GPR83: variants seen among roughly 807,000 people sequenced by gnomAD.
GPR83 encodes the protein G-protein coupled receptor 72.
GPR83 carries 23 observed loss-of-function variants against 28.0 expected under a neutral mutation model. The ratio of observed to expected loss-of-function variants is 0.82; its 90% confidence interval spans 0.59 to 1.16. The LOEUF (loss-of-function observed/expected upper bound fraction) is 1.16, where lower values mean the gene tolerates loss of function less well. Ranked by LOEUF, GPR83 falls within the 50% of genes most tolerant of loss-of-function variation. GPR83 has a pLI of 0.00. For missense variants in GPR83, 610 were observed against 536.6 expected (o/e 1.14, Z -1.35); for synonymous variants, 234 against 215.4 (o/e 1.09, Z -0.76).
At chr11:94,384,788 A>G (rs915507377) in intron 3 of GPR83, among the ~76,000 whole-genome samples, 1 of 152,222 alleles carries the variant, frequency 6.6e-6, no homozygotes, top group African/African-American at 2.4e-5. Context: ...GAATAGCCAA[A>G]CAAAAGGCAG....
intron 3 of GPR83, among the ~76,000 whole-genome samples, chr11:94,387,572 A>G (rs1944773149): frequency 6.6e-6 from 1 of 152,342 alleles, no homozygotes; most frequent in East Asian, 1.9e-4. Flanking sequence ...AAACTAGAAA[A>G]TCTGGAAGAA....
rs763041836 is a variant in GPR83, at chr11:94,393,493, GA to G, written c.638del (p.Phe213SerfsTer59). On this transcript the variant is annotated frameshift_variant, in exon 3 of 4. Transcript: ENST00000243673. LOFTEE classifies it high-confidence loss of function. ...CAACGAATTCATCTCACCTGTATTTGAAGGTAAATAATTTCTGGCAGATAGC... is the reference window on the plus strand; with the variant it reads ...CAACGAATTCATCTCACCTGTATTTGAGGTAAATAATTTCTGGCAGATAGC... The part of the protein sequence containing the change: ...PHAICQKLFT[F>X]KYSEDIVRSL... The G allele has an allele frequency of 6.8e-6, 11 of 1,614,064 alleles. No homozygotes were observed. In the East Asian group the frequency reaches 2.5e-4, roughly 36 times the overall value.
intron 3 of GPR83, among the ~76,000 whole-genome samples, chr11:94,387,092 A>T (rs533905338): frequency 3.3e-4 from 50 of 152,352 alleles, no homozygotes; most frequent in African/African-American, 1.1e-3. Flanking sequence ...GTACATAATG[A>T]AATGAAGGCA....
intron 3 of GPR83, among the ~76,000 whole-genome samples, chr11:94,382,227 C>T (rs951695331): frequency 2.0e-5 from 3 of 151,314 alleles, no homozygotes; most frequent in Admixed American, 6.6e-5. Context: ...TGGCACATGC[C>T]TATAATCCCA....
rs1217735991 is a variant in GPR83, at chr11:94,379,960, G to C, written c.*189C>G. 1 of 433,756 alleles carries C rather than the reference G, an allele frequency of 2.3e-6. No individual in the cohort carries two copies. The highest frequency in any genetic ancestry group is 3.8e-5 in the Admixed American group (1 of 26,066). The allele number at this position is 433,756 out of a possible 1,614,324, so 26.9% of individuals were successfully genotyped here. On this transcript the variant is annotated 3_prime_UTR_variant, in exon 4 of 4. Coordinates refer to ENST00000243673, the MANE Select transcript of GPR83 (RefSeq NM_016540.4). ...ATGGGAATTTATGAACACATGTCTA[G>C]TTGGTGGTGCCTTTTAGTTTTCACA...
At chr11:94,383,699 TA>T (rs1321618205) in intron 3 of GPR83, among the ~76,000 whole-genome samples, 33 of 152,176 alleles carry the variant, frequency 2.2e-4, no homozygotes, top group African/African-American at 7.7e-4. Flanking sequence ...CAGAATACTA[TA>T]AACACCTTTA....
chr11:94,386,139 A>G (rs977229349), intron 3 of GPR83, among the ~76,000 whole-genome samples: 2 of 152,208 alleles, frequency 1.3e-5, no homozygotes, highest in Non-Finnish European at 2.9e-5. Flanking sequence ...GTTACAGATA[A>G]GCAAATGCTG....
chr11:94,378,511 G>A lies in GPR83; in HGVS notation c.*1638C>T, dbSNP rs901906864. ...AGTCACTCAGGACCAGACAGAAGGTGATAAAAACAATCAGTCCCTGGAATG... is the reference window on the plus strand; with the variant it reads ...AGTCACTCAGGACCAGACAGAAGGTAATAAAAACAATCAGTCCCTGGAATG... On this transcript the variant is annotated 3_prime_UTR_variant, in exon 4 of 4. Coordinates refer to ENST00000243673, the MANE Select transcript of GPR83 (RefSeq NM_016540.4). 1 of 152,228 alleles carries A rather than the reference G, an allele frequency of 6.6e-6. No homozygotes were observed. The highest frequency in any genetic ancestry group is 2.4e-5 in the African/African-American group (1 of 41,430). The allele number at this position is 152,228 out of a possible 1,614,324, so 9.4% of individuals were successfully genotyped here.
At chr11:94,395,958 G>A (rs538700102) in intron 2 of GPR83, among the ~76,000 whole-genome samples, 13 of 152,356 alleles carry the variant, frequency 8.5e-5, no homozygotes, top group South Asian at 2.1e-4. Context: ...GGTGGCTCAC[G>A]TCTGTAATTC....
chr11:94,393,404 G>A (rs931395734), intron 3 of GPR83, 81 bp downstream of exon 3: 2 of 1,321,310 alleles, frequency 1.5e-6, no homozygotes, highest in Non-Finnish European at 1.1e-6. Context: ...TGAGCTCCTG[G>A]GGGCCTCAGG....
chr11:94,400,011 A>G (rs1329328698), intron 1 of GPR83, among the ~76,000 whole-genome samples: 2 of 152,168 alleles, frequency 1.3e-5, no homozygotes, highest in Middle Eastern at 3.2e-3. Flanking sequence ...CTCAACACAG[A>G]CCTCAAACAC....
At chr11:94,381,509 C>G (rs138598797) in intron 3 of GPR83, among the ~76,000 whole-genome samples, 4 of 151,714 alleles carry the variant, frequency 2.6e-5, no homozygotes, top group African/African-American at 9.7e-5. Context: ...TTGAAATCTG[C>G]CTTCCGAGCC....
intron 3 of GPR83, among the ~76,000 whole-genome samples, chr11:94,388,286 C>G (rs1289429578): frequency 6.6e-6 from 1 of 152,164 alleles, no homozygotes; most frequent in African/African-American, 2.4e-5. Flanking sequence ...CCTCTCTCAC[C>G]ACTCCTATTC....
intron 3 of GPR83, among the ~76,000 whole-genome samples, chr11:94,391,531 G>C (rs1302625506): frequency 6.6e-6 from 1 of 152,108 alleles, no homozygotes; most frequent in Non-Finnish European, 1.5e-5. Flanking sequence ...AGAGTGAACA[G>C]GCAACCTACA....
intron 1 of GPR83, among the ~76,000 whole-genome samples, chr11:94,396,917 T>TA (rs1944872418): frequency 6.6e-6 from 1 of 150,836 alleles, no homozygotes; most frequent in Admixed American, 6.6e-5. Flanking sequence ...AGGCTTAGTA[T>TA]AAGGTTTAAA....
chr11:94,386,633 T>C (rs563181410), intron 3 of GPR83, among the ~76,000 whole-genome samples: 1 of 152,340 alleles, frequency 6.6e-6, no homozygotes, highest in Admixed American at 6.5e-5. Context: ...CTAACTATCC[T>C]AAATATATAT....
rs1591599402 is a variant in GPR83 at position 94,380,323 on chromosome 11, A to G, written c.1098T>C (p.Pro366=). 1.2e-6 allele frequency: 2 copies of G among 1,611,576 alleles called. No homozygotes were observed. The highest frequency in any genetic ancestry group is 2.2e-5 in the East Asian group (1 of 44,838). Residue 366 remains proline, a synonymous_variant, in exon 4 of 4, where the codon CCT becomes CCC. Coordinates refer to ENST00000243673, the MANE Select transcript of GPR83 (RefSeq NM_016540.4). ...LKALLSMCQR[P]PKPQEDRPPS... The stretch of plus-strand genomic sequence containing the variant: ...GTGGCCTGTCCTCCTGAGGCTTGGG[A>G]GGTCTTTGACACATGCTCAGTAATG...
intron 2 of GPR83, among the ~76,000 whole-genome samples, chr11:94,393,969 C>T (rs1944842955): frequency 6.6e-6 from 1 of 152,108 alleles, no homozygotes; most frequent in South Asian, 2.1e-4. Context: ...AGCCATGCCC[C>T]ACTCAACAGC....
intron 2 of GPR83, 68 bp from the exon 3 acceptor site, chr11:94,393,686 C>A: frequency 6.8e-7 from 1 of 1,471,126 alleles, no homozygotes; most frequent in Non-Finnish European, 9.4e-7. Context: ...CTGGGTCAGG[C>A]GCAGGTGCTC....
Sources: gnomAD v4.1 joint callset for allele counts (sites outside exome capture counted in the v4.1 genomes callset) on GRCh38, gnomAD v4.1.1 for gene constraint, MANE v1.5 for transcripts, NCBI Gene and HGNC (gene_info 2026-07-23, HGNC 2026-07-21) for gene names.